Variants in KPNA7 observed in about 807,000 individuals in gnomAD.
The protein encoded by KPNA7 is karyopherin subunit alpha 7.
In KPNA7, 54 loss-of-function variants were observed where a neutral mutation model predicts 53.7. The observed-to-expected ratio is 1.01, with a 90% CI of 0.81 to 1.26. The LOEUF is 1.26. Ranked by LOEUF, KPNA7 falls within the 50% of genes most tolerant of loss-of-function variation. The pLI is 0.00. For synonymous variants in KPNA7, 276 were observed against 259.3 expected (o/e 1.06, Z -0.62); for missense variants, 640 against 644.5 (o/e 0.99, Z 0.07).
chr7:99,170,689 T>C (rs781751445), downstream of KPNA7, among the ~76,000 whole-genome samples: 33 of 152,136 alleles, frequency 2.2e-4, no homozygotes, highest in Non-Finnish European at 4.3e-4. Context: ...GGCTGATACT[T>C]GGATGTACAG....
the KPNA7 span, among the ~76,000 whole-genome samples, chr7:99,151,267 T>C: frequency 6.6e-6 from 1 of 152,090 alleles, no homozygotes; most frequent in African/African-American, 2.4e-5. Context: ...GCCTAGGACT[T>C]CTCTGAACCT....
chr7:99,192,094 C>T (rs540874289), intron 6 of KPNA7, among the ~76,000 whole-genome samples: 1 of 152,278 alleles, frequency 6.6e-6, no homozygotes, highest in African/African-American at 2.4e-5. Context: ...AGAGCCTGTT[C>T]CCCATGAACA....
intron 4 of KPNA7, among the ~76,000 whole-genome samples, 167 bp downstream of exon 4, chr7:99,195,917 G>C (rs575918206): frequency 4.6e-5 from 7 of 152,156 alleles, no homozygotes; most frequent in Non-Finnish European, 7.4e-5. Flanking sequence ...TGCCCTCAAG[G>C]ACAGTGTAGA....
At chr7:99,199,744 C>A (rs1790415849) in intron 3 of KPNA7, among the ~76,000 whole-genome samples, 1 of 152,010 alleles carries the variant, frequency 6.6e-6, no homozygotes, top group African/African-American at 2.4e-5. Context: ...TAGACTTCTT[C>A]AAAATTAAAA....
chr7:99,165,097 T>C, the KPNA7 span, among the ~76,000 whole-genome samples: 26 of 152,190 alleles, frequency 1.7e-4, no homozygotes, highest in African/African-American at 5.8e-4. Flanking sequence ...GCCGAGATCA[T>C]GCCACTGCAC....
Position 99,188,414 on chromosome 7 carries a change from G to A in KPNA7, c.786C>T (p.Cys262=). The change falls in exon 7 of 11, where the codon TGC becomes TGT. Residue 262 remains cysteine (C), a synonymous_variant. Transcript: ENST00000327442. ...HQDSEVLSDA[C]WALSYLTDGS... is the part of the protein sequence containing the mutation. The stretch of plus-strand genomic sequence containing the variant: ...CGTCGGTGAGGTAGGACAGTGCCCA[G>A]CAGGCATCCGAGAGAACCTCACTGT... 1 of 1,551,652 alleles carries A rather than the reference G, an allele frequency of 6.4e-7. No individual in the cohort carries two copies. The highest frequency in any genetic ancestry group is 8.7e-7 in the Non-Finnish European group (1 of 1,146,998).
the KPNA7 span, among the ~76,000 whole-genome samples, chr7:99,151,068 C>T: frequency 2.6e-5 from 4 of 152,098 alleles, no homozygotes; most frequent in Admixed American, 6.6e-5. Context: ...TAACGGCATC[C>T]GGTTTGTGTG....
intron 1 of KPNA7, among the ~76,000 whole-genome samples, chr7:99,214,784 T>G: frequency 7.4e-6 from 1 of 135,040 alleles, no homozygotes; most frequent in Non-Finnish European, 1.6e-5. Flanking sequence ...AGGCCACCAC[T>G]ATGGGTGGCA....
the KPNA7 span, among the ~76,000 whole-genome samples, chr7:99,166,827 G>A: frequency 2.0e-5 from 3 of 151,436 alleles, no homozygotes; most frequent in Admixed American, 6.6e-5. Context: ...CACCATGTCG[G>A]CCAGGCTGGT....
At chr7:99,190,839 G>A (rs765248448) in intron 6 of KPNA7, among the ~76,000 whole-genome samples, 3 of 151,706 alleles carry the variant, frequency 2.0e-5, no homozygotes, top group Non-Finnish European at 4.4e-5. Flanking sequence ...AAAGCAAGCG[G>A]CCAGCCAGGT....
chr7:99,214,483 C>A (rs1422453386), intron 1 of KPNA7, among the ~76,000 whole-genome samples: 2 of 147,770 alleles, frequency 1.4e-5, no homozygotes, highest in Non-Finnish European at 3.0e-5. Context: ...AAAAAACTAG[C>A]CAGTTGTGGT....
chr7:99,168,006 C>A, the KPNA7 span, among the ~76,000 whole-genome samples: 1 of 148,772 alleles, frequency 6.7e-6, no homozygotes, highest in African/African-American at 2.5e-5. Context: ...CCCCTCTATC[C>A]GTAGAAAAAT....
intron 4 of KPNA7, 60 bp downstream of exon 4, chr7:99,196,024 C>A: frequency 7.3e-7 from 1 of 1,376,650 alleles, no homozygotes; most frequent in Non-Finnish European, 1.0e-6. Context: ...GCGCTCCAGC[C>A]ATCACTGACG....
chr7:99,177,844 C>T (rs1798969640), intron 10 of KPNA7, 76 bp downstream of exon 10: 2 of 1,472,116 alleles, frequency 1.4e-6, no homozygotes. Context: ...ACAGCCCAGG[C>T]CCCGGCAGGG....
At chr7:99,175,242 G>A (rs941397425) in intron 10 of KPNA7, among the ~76,000 whole-genome samples, 3 of 151,928 alleles carry the variant, frequency 2.0e-5, no homozygotes, top group South Asian at 2.1e-4. Flanking sequence ...TCGTGCTATT[G>A]CCCAGGTTGG....
At chr7:99,217,232 C>G (rs1208103547) in intron 1 of KPNA7, among the ~76,000 whole-genome samples, 4 of 152,180 alleles carry the variant, frequency 2.6e-5, no homozygotes, top group African/African-American at 9.7e-5. Context: ...CCCAGCCCGG[C>G]TGCAGCTGCA....
In KPNA7 at chr7:99,173,611, G is replaced by C. The variant is rs1352553334; in HGVS notation, c.*97C>G. 9 of 667,476 alleles carry C rather than the reference G, an allele frequency of 1.3e-5. No homozygotes were observed. Among genetic ancestry groups the C allele is most frequent in the Non-Finnish European group, 2.0e-5 (8 of 395,712 alleles). The allele number at this position is 667,476 out of a possible 1,614,324, so 41.3% of individuals were successfully genotyped here. ...ATTTTATTAATGTCAAGTTTTAAAA[G>C]CTTCACATTTGGGTTACACTAAGAT... On this transcript the variant is annotated 3_prime_UTR_variant, in exon 11 of 11. Coordinates refer to ENST00000327442, the MANE Select transcript of KPNA7 (RefSeq NM_001145715.3).
intron 9 of KPNA7, among the ~76,000 whole-genome samples, chr7:99,178,530 T>C (rs1207781964): frequency 1.3e-5 from 2 of 151,986 alleles, no homozygotes; most frequent in African/African-American, 4.8e-5. Context: ...ATTGCGCCAC[T>C]GCACTCCAGC....
intron 1 of KPNA7, among the ~76,000 whole-genome samples, chr7:99,219,161 C>T (rs956564243): frequency 2.6e-5 from 4 of 152,368 alleles, no homozygotes; most frequent in East Asian, 3.9e-4. Context: ...GTCAGGGAGG[C>T]TGAGGGGCGA....
Sources: gnomAD v4.1 joint callset for allele counts (sites outside exome capture counted in the v4.1 genomes callset) on GRCh38, gnomAD v4.1.1 for gene constraint, MANE v1.5 for transcripts, NCBI Gene and HGNC (gene_info 2026-07-23, HGNC 2026-07-21) for gene names.